CNTN5: variants seen among roughly 807,000 people sequenced by gnomAD.
The protein encoded by CNTN5 is contactin-5.
A neutral mutation model predicts 129.1 loss-of-function variants in CNTN5; 77 were observed. The ratio of observed to expected loss-of-function variants is 0.60; its 90% CI spans 0.50 to 0.72. CNTN5 has a LOEUF of 0.72. Ranked by LOEUF, CNTN5 falls within the 30% of genes least tolerant of loss-of-function variation. The pLI is 0.00. For missense variants in CNTN5, 1,478 were observed against 1,328.8 expected (o/e 1.11, Z -1.75); for synonymous variants, 509 against 465.6 (o/e 1.09, Z -1.20).
intron 19 of CNTN5, among the ~76,000 whole-genome samples, chr11:100,298,113 G>A (rs1951134659): frequency 6.6e-6 from 1 of 151,232 alleles, no homozygotes; most frequent in African/African-American, 2.4e-5. Context: ...CTTTTTTGAT[G>A]TTAAATAACC....
intron 1 of CNTN5, among the ~76,000 whole-genome samples, chr11:99,214,077 T>C (rs2135680327): frequency 6.6e-6 from 1 of 152,240 alleles, no homozygotes; most frequent in Admixed American, 6.5e-5. Context: ...CAAGCTACAC[T>C]TACTTAACAG....
In CNTN5 at chr11:99,707,219, G is replaced by A. The variant is rs550649041; in HGVS notation, c.56-112325G>A. Among the ~76,000 whole-genome samples, 11 of 151,212 alleles carry A rather than the reference G, an allele frequency of 7.3e-5. 1 individual carries two copies. In the South Asian group the frequency reaches 2.3e-3, roughly 31 times the overall value. On this transcript the variant is annotated intron_variant, in intron 3 of 24. Coordinates refer to ENST00000524871, the MANE Select transcript of CNTN5 (RefSeq NM_014361.4). ...GTAAAATATATCTTCATCCCTCACT[G>A]ATTTCAAATGCACTGGAGAAGATAA...
chr11:99,334,125 TGCTCTTAAAACATCTC>T (rs1173362320), intron 2 of CNTN5, among the ~76,000 whole-genome samples: 1 of 132,272 alleles, frequency 7.6e-6, no homozygotes, highest in Non-Finnish European at 1.6e-5. Flanking sequence ...TCCTGTCCTT[TGCTCTTAAAACATCTC>T]AGACTCTCAC....
rs939867139 is a variant in CNTN5 at position 99,325,360 on chromosome 11, T to C, written c.-195T>C. On this transcript the variant is annotated 5_prime_UTR_variant, in exon 2 of 25. Transcript: ENST00000524871. ...TTTCTTAACAGGTGTCTTTAAAGGA[T>C]TGCCATTTAATGCCATTCAAGATCT... is the stretch of plus-strand genomic sequence containing the variant. 6.6e-6 allele frequency: 1 copy of C among 152,132 alleles called. No homozygotes were observed. The highest frequency in any genetic ancestry group is 1.5e-5 in the Non-Finnish European group (1 of 68,020). The allele number at this position is 152,132 out of a possible 1,614,324, so 9.4% of individuals were successfully genotyped here. A position where few individuals can be genotyped will look rare whatever the true frequency, so the allele number is the denominator to read the frequency against.
chr11:99,317,195 T>C (rs1455078051), intron 1 of CNTN5, among the ~76,000 whole-genome samples: 1 of 152,112 alleles, frequency 6.6e-6, no homozygotes, highest in African/African-American at 2.4e-5. Flanking sequence ...GCGTGACAAA[T>C]GGCAGTAACA....
intron 1 of CNTN5, among the ~76,000 whole-genome samples, chr11:99,296,017 G>A (rs958536311): frequency 1.3e-5 from 2 of 151,900 alleles, no homozygotes; most frequent in African/African-American, 2.4e-5. Flanking sequence ...AAGGCTGGCT[G>A]CAAAATTCTT....
intron 1 of CNTN5, among the ~76,000 whole-genome samples, chr11:99,208,195 G>A (rs1007202141): frequency 1.3e-5 from 2 of 152,076 alleles, no homozygotes; most frequent in African/African-American, 2.4e-5. Context: ...AGAGTTAACT[G>A]CATGCAATTC....
At chr11:99,676,590 G>A (rs1056600725) in intron 3 of CNTN5, among the ~76,000 whole-genome samples, 15 of 152,232 alleles carry the variant, frequency 9.9e-5, no homozygotes, top group African/African-American at 3.6e-4. Flanking sequence ...TGCAGACTTT[G>A]AATCTGCATT....
intron 3 of CNTN5, among the ~76,000 whole-genome samples, chr11:99,623,546 C>T (rs1417547172): frequency 6.6e-6 from 1 of 151,942 alleles, no homozygotes; most frequent in Non-Finnish European, 1.5e-5. Context: ...ACTTACATAA[C>T]CTCTCCACAG....
At chr11:99,863,865 G>C (rs1948282490) in intron 6 of CNTN5, among the ~76,000 whole-genome samples, 1 of 152,182 alleles carries the variant, frequency 6.6e-6, no homozygotes, top group Admixed American at 6.6e-5. Context: ...TTCTTTGGAA[G>C]TTAGGCAACA....
chr11:99,063,005 A>C (rs1275350810), intron 1 of CNTN5, among the ~76,000 whole-genome samples: 1 of 152,166 alleles, frequency 6.6e-6, no homozygotes, highest in African/African-American at 2.4e-5. Flanking sequence ...AAAGAATTAC[A>C]CGTCAACATC....
chr11:100,210,750 C>T (rs966988196), intron 15 of CNTN5, among the ~76,000 whole-genome samples: 1 of 152,130 alleles, frequency 6.6e-6, no homozygotes, highest in Non-Finnish European at 1.5e-5. Flanking sequence ...ATAATGTGAA[C>T]CCCATCAACG....
At chr11:99,256,274 A>C (rs1194328849) in intron 1 of CNTN5, among the ~76,000 whole-genome samples, 1 of 152,024 alleles carries the variant, frequency 6.6e-6, no homozygotes, top group African/African-American at 2.4e-5. Flanking sequence ...TACAAATGTC[A>C]AGCATTTAGA....
intron 2 of CNTN5, among the ~76,000 whole-genome samples, chr11:99,523,909 A>G (rs960901970): frequency 4.6e-5 from 7 of 152,174 alleles, no homozygotes; most frequent in Non-Finnish European, 1.0e-4. Context: ...GAGTACAAGC[A>G]GTCATTAATT....
intron 13 of CNTN5, among the ~76,000 whole-genome samples, chr11:100,100,160 A>G (rs1945170655): frequency 6.6e-6 from 1 of 152,094 alleles, no homozygotes; most frequent in Admixed American, 6.6e-5. Context: ...AGTTTCAAAA[A>G]GATTGTTTCT....
intron 3 of CNTN5, among the ~76,000 whole-genome samples, chr11:99,587,821 G>T (rs1032831459): frequency 2.6e-5 from 4 of 152,192 alleles, no homozygotes; most frequent in Non-Finnish European, 4.4e-5. Context: ...GTTTTCAAAA[G>T]AGTGCTTTAA....
At chr11:99,553,965 T>TACACACACACACACACAC (rs34430127) in intron 2 of CNTN5, among the ~76,000 whole-genome samples, 1 of 146,016 alleles carries the variant, frequency 6.8e-6, no homozygotes, top group South Asian at 2.2e-4. Flanking sequence ...TGAAAATGAA[T>TACACACACACACACACAC]ACACACACAC....
intron 2 of CNTN5, among the ~76,000 whole-genome samples, chr11:99,449,219 A>G (rs1944200188): frequency 6.6e-6 from 1 of 152,216 alleles, no homozygotes. Flanking sequence ...ACTCGTTTTC[A>G]GAAGTATGTT....
chr11:100,201,099 T>C (rs1175516181), intron 15 of CNTN5, among the ~76,000 whole-genome samples: 1 of 152,002 alleles, frequency 6.6e-6, no homozygotes, highest in Non-Finnish European at 1.5e-5. Context: ...TTCACTGTTG[T>C]TAACTTTGAC....
Sources: allele counts gnomAD v4.1 joint callset (sites outside exome capture counted in the v4.1 genomes callset), GRCh38; gene constraint gnomAD v4.1.1; transcripts MANE v1.5; gene names NCBI Gene and HGNC (gene_info 2026-07-23, HGNC 2026-07-21).